ZCCHC14: variants seen among roughly 807,000 people sequenced by gnomAD.
ZCCHC14 encodes the protein zinc finger CCHC-type containing 14.
ZCCHC14 carries 16 observed loss-of-function variants against 85.0 expected under a neutral mutation model. The ratio of observed to expected loss-of-function variants is 0.19; its 90% CI spans 0.13 to 0.29. The LOEUF is 0.29. ZCCHC14 is among the 10% of genes least tolerant of loss of function. The probability of loss-of-function intolerance (pLI) is 1.00; values close to 1 mark genes in which losing one functional copy is unlikely to be tolerated. For synonymous variants in ZCCHC14, 775 were observed against 630.7 expected, an observed-to-expected ratio of 1.23 and a Z score of -3.43; for missense variants, 1,303 against 1,443.5, an observed-to-expected ratio of 0.90 and a Z score of 1.58.
chr16:87,432,901 C>A (rs1196068480), intron 3 of ZCCHC14, among the ~76,000 whole-genome samples: 2 of 152,140 alleles, frequency 1.3e-5, no homozygotes, highest in African/African-American at 4.8e-5. Context: ...GAACTGACAA[C>A]CCCAGGCCCT....
At position 87,455,452 on chromosome 16, in the gene ZCCHC14, T is replaced by C. The variant is rs116336302; in HGVS notation, c.694+4556A>G. The stretch of plus-strand genomic sequence containing the variant: ...AGAGTAGAGCCTGAAAAGGTAAAGA[T>C]GTGTAGTGCATTCCTGTTGCTTCTC... On this transcript the variant is annotated intron_variant, in intron 2 of 12. Transcript: ENST00000671377. Among the ~76,000 whole-genome samples, 431 of 152,226 alleles carry C rather than the reference T, an allele frequency of 2.8e-3. 2 individuals carry two copies. The highest frequency in any genetic ancestry group is 9.9e-3 in the African/African-American group (413 of 41,534).
chr16:87,488,333 C>A (rs999061928), intron 1 of ZCCHC14, among the ~76,000 whole-genome samples: 1 of 152,180 alleles, frequency 6.6e-6, no homozygotes, highest in African/African-American at 2.4e-5. Flanking sequence ...CAGGCGACTG[C>A]AGGAGCAGCA....
At chr16:87,443,879 A>T (rs1910302806) in intron 2 of ZCCHC14, among the ~76,000 whole-genome samples, 1 of 152,094 alleles carries the variant, frequency 6.6e-6, no homozygotes, top group African/African-American at 2.4e-5. Flanking sequence ...TCTACTAAAA[A>T]TACAAAAATT....
At chr16:87,446,425 A>G (rs982786288) in intron 2 of ZCCHC14, among the ~76,000 whole-genome samples, 7 of 151,654 alleles carry the variant, frequency 4.6e-5, no homozygotes, top group Non-Finnish European at 1.0e-4. Flanking sequence ...CAGAGGTTAC[A>G]GTGAGCTGAG....
intron 2 of ZCCHC14, among the ~76,000 whole-genome samples, chr16:87,448,665 T>G (rs1910551452): frequency 6.6e-6 from 1 of 152,192 alleles, no homozygotes; most frequent in South Asian, 2.1e-4. Flanking sequence ...AACTCTCTCT[T>G]GGTCTTCATG....
chr16:87,456,471 T>A (rs1910967859), intron 2 of ZCCHC14, among the ~76,000 whole-genome samples: 2 of 135,722 alleles, frequency 1.5e-5, no homozygotes, highest in South Asian at 4.6e-4. Flanking sequence ...AGGCGGAGGT[T>A]GCAGTGAGCT....
intron 3 of ZCCHC14, among the ~76,000 whole-genome samples, chr16:87,431,654 A>G (rs1909668980): frequency 6.6e-6 from 1 of 152,204 alleles, no homozygotes; most frequent in Non-Finnish European, 1.5e-5. Context: ...TGCTATGACC[A>G]TATGCGAAGA....
chr16:87,425,582 AAAAAG>A, intron 3 of ZCCHC14, among the ~76,000 whole-genome samples: 1 of 152,094 alleles, frequency 6.6e-6, no homozygotes, highest in Non-Finnish European at 1.5e-5. Flanking sequence ...ATCAAAAAAA[AAAAAG>A]AAAGAAAGAA....
chr16:87,457,022 C>T (rs1911001931), intron 2 of ZCCHC14, among the ~76,000 whole-genome samples: 1 of 152,202 alleles, frequency 6.6e-6, no homozygotes, highest in African/African-American at 2.4e-5. Flanking sequence ...ACAACAGCTT[C>T]CCTAAGTTTC....
Position 87,419,991 on chromosome 16 carries a change from A to G in ZCCHC14, c.951-114T>C. 4 of 761,234 alleles carry G rather than the reference A, an allele frequency of 5.3e-6. No homozygotes were observed. The South Asian group carries it at 8.2e-5, about 16-fold the overall frequency. The allele number at this position is 761,234 out of a possible 1,614,324, so 47.2% of individuals were successfully genotyped here. A position where few individuals can be genotyped will look rare whatever the true frequency, so the allele number is the denominator to read the frequency against. On this transcript the variant is annotated intron_variant, in intron 5 of 12. Transcript: ENST00000671377. ...AAATGTGTATTAGAGGAAAAAAGCC[A>G]GAAGTGCCAGAGCCTCATATTCTTC... is the stretch of plus-strand genomic sequence containing the variant.
chr16:87,451,993 G>C (rs74676079), intron 2 of ZCCHC14, among the ~76,000 whole-genome samples: 15,085 of 152,294 alleles, frequency 0.099, 2,483 homozygotes, highest in African/African-American at 0.34. Flanking sequence ...ACGGCACGGG[G>C]CTGGGCAAGT....
At chr16:87,419,736 G>GTTTTTT in intron 6 of ZCCHC14, 47 bp downstream of exon 6, 1 of 1,119,450 alleles carries the variant, frequency 8.9e-7, no homozygotes, top group East Asian at 3.1e-5. Flanking sequence ...GCGCCCAGCT[G>GTTTTTT]TTTTTTTTTT....
intron 1 of ZCCHC14, among the ~76,000 whole-genome samples, chr16:87,487,215 C>G (rs752049133): frequency 6.6e-6 from 1 of 152,230 alleles, no homozygotes; most frequent in Non-Finnish European, 1.5e-5. Flanking sequence ...AGTTCCAGAA[C>G]TGTTCCACAG....
chr16:87,464,666 G>A (rs773185473), intron 1 of ZCCHC14, among the ~76,000 whole-genome samples: 4 of 152,166 alleles, frequency 2.6e-5, no homozygotes, highest in East Asian at 1.9e-4. Flanking sequence ...GTTTTCCTCC[G>A]TATATTTTCC....
intron 1 of ZCCHC14, among the ~76,000 whole-genome samples, chr16:87,479,129 A>T (rs1394039173): frequency 6.6e-6 from 1 of 152,100 alleles, no homozygotes; most frequent in Non-Finnish European, 1.5e-5. Context: ...AAGAAACCTA[A>T]GGATAGGCTG....
At chr16:87,414,754 C>T (rs1043192606) in intron 9 of ZCCHC14, among the ~76,000 whole-genome samples, 2 of 152,248 alleles carry the variant, frequency 1.3e-5, no homozygotes, top group African/African-American at 2.4e-5. Context: ...AGGTCCTTTC[C>T]TGTCAAACCT....
At chr16:87,426,670 C>A (rs1025781293) in intron 3 of ZCCHC14, among the ~76,000 whole-genome samples, 15 of 152,224 alleles carry the variant, frequency 9.9e-5, no homozygotes, top group African/African-American at 3.6e-4. Flanking sequence ...CAGGGCTCAG[C>A]CACACCCCTA....
At chr16:87,450,594 G>T in intron 2 of ZCCHC14, among the ~76,000 whole-genome samples, 2 of 146,456 alleles carry the variant, frequency 1.4e-5, no homozygotes, top group East Asian at 2.0e-4. Context: ...TTTTGAGAGA[G>T]GCTTTCACTC....
intron 1 of ZCCHC14, among the ~76,000 whole-genome samples, chr16:87,475,834 T>C (rs183987126): frequency 1.2e-4 from 18 of 152,238 alleles, no homozygotes; most frequent in Admixed American, 1.1e-3. Context: ...GAAAAACATT[T>C]TGGAGAAATT....
Sources: gnomAD v4.1 joint callset for allele counts (sites outside exome capture counted in the v4.1 genomes callset) on GRCh38, gnomAD v4.1.1 for gene constraint, MANE v1.5 for transcripts, NCBI Gene and HGNC (gene_info 2026-07-23, HGNC 2026-07-21) for gene names.